SCN2A: variants seen among roughly 807,000 people sequenced by gnomAD.
SCN2A encodes the protein sodium voltage-gated channel alpha subunit 2.
SCN2A carries 20 observed loss-of-function variants against 188.7 expected under a neutral mutation model. That is an observed-to-expected ratio of 0.11 (90% CI 0.07 to 0.15). SCN2A has a LOEUF of 0.15. Among genes scored for constraint, SCN2A ranks in the 10% least tolerant of loss-of-function variants. The pLI is 1.00. For synonymous variants in SCN2A, 804 were observed against 833.1 expected, an observed-to-expected ratio of 0.97 and a Z score of 0.60; for missense variants, 1,278 against 2,445.0, an observed-to-expected ratio of 0.52 and a Z score of 10.07.
At chr2:165,349,184 G>C (rs938191843) in intron 16 of SCN2A, among the ~76,000 whole-genome samples, 1 of 152,186 alleles carries the variant, frequency 6.6e-6, no homozygotes, top group South Asian at 2.1e-4. Context: ...TATGTTGGAA[G>C]AAGAAAAGAA....
intron 5 of SCN2A, 122 bp downstream of exon 5, chr2:165,308,916 T>C: frequency 7.5e-7 from 1 of 1,326,756 alleles, no homozygotes; most frequent in Non-Finnish European, 1.1e-6. Context: ...CATAGTTTTC[T>C]TCCAATCAAA....
chr2:165,378,324 G>T, intron 23 of SCN2A, among the ~76,000 whole-genome samples: 1 of 142,336 alleles, frequency 7.0e-6, no homozygotes. Context: ...AAGAATTCCT[G>T]AGGTTTTTTT....
intron 1 of SCN2A, among the ~76,000 whole-genome samples, chr2:165,261,564 C>T (rs10168502): frequency 0.57 from 86,363 of 152,078 alleles, 24,944 homozygotes; most frequent in East Asian, 0.66. Context: ...TTTTAAATCA[C>T]TTTCAGAAAT....
intron 17 of SCN2A, among the ~76,000 whole-genome samples, chr2:165,359,419 C>A (rs1044971960): frequency 3.9e-5 from 6 of 151,948 alleles, no homozygotes; most frequent in Admixed American, 1.3e-4. Flanking sequence ...ATACTTGAGG[C>A]ATATTATCCA....
intron 18 of SCN2A, among the ~76,000 whole-genome samples, 167 bp downstream of exon 18, chr2:165,365,430 CATTT>C (rs1432356562): frequency 2.2e-5 from 2 of 91,004 alleles, no homozygotes; most frequent in Non-Finnish European, 4.4e-5. Flanking sequence ...AACAACTGTA[CATTT>C]ATTTGTTTTT....
chr2:165,294,257 T>G, intron 1 of SCN2A: 1 of 307,142 alleles, frequency 3.3e-6, no homozygotes, highest in Middle Eastern at 1.7e-3. Context: ...TGGCTGCATG[T>G]TTTAGCATGT....
chr2:165,385,589 A>G lies in SCN2A; in HGVS notation c.4552-1157A>G, dbSNP rs571039570. Among the ~76,000 whole-genome samples the G allele has an allele frequency of 7.2e-5, 11 of 152,326 alleles. No individual in the cohort carries two copies. The East Asian group carries it at 2.1e-3, about 29-fold the overall frequency. ...ATACACAGTGTCCTCTTGTTTTAACATCTTATGCAACCATAGATCAGTTCT... is the reference window on the plus strand; with the variant it reads ...ATACACAGTGTCCTCTTGTTTTAACGTCTTATGCAACCATAGATCAGTTCT... On this transcript the variant is annotated intron_variant, in intron 25 of 26. Coordinates refer to ENST00000375437, the MANE Select transcript of SCN2A (RefSeq NM_001040142.2).
At chr2:165,242,571 A>G (rs1180681626) in intron 1 of SCN2A, among the ~76,000 whole-genome samples, 1 of 152,156 alleles carries the variant, frequency 6.6e-6, no homozygotes. Flanking sequence ...ACTAAATTGG[A>G]CATGAGAAAT....
At chr2:165,362,328 T>G (rs992203270) in intron 17 of SCN2A, among the ~76,000 whole-genome samples, 1 of 152,072 alleles carries the variant, frequency 6.6e-6, no homozygotes, top group Non-Finnish European at 1.5e-5. Flanking sequence ...TTAATTCTTC[T>G]ACTTTTAATG....
chr2:165,348,414 G>T (rs954321700), intron 16 of SCN2A, among the ~76,000 whole-genome samples: 1 of 148,068 alleles, frequency 6.8e-6, no homozygotes, highest in Non-Finnish European at 1.5e-5. Context: ...CTCATATAAA[G>T]GTAACCTCCA....
chr2:165,249,180 C>A (rs896277716), intron 1 of SCN2A, among the ~76,000 whole-genome samples: 5 of 152,248 alleles, frequency 3.3e-5, no homozygotes, highest in Non-Finnish European at 7.4e-5. Context: ...CCAAATACCA[C>A]ACTCAATGTC....
intron 14 of SCN2A, among the ~76,000 whole-genome samples, chr2:165,339,213 A>C (rs1699177614): frequency 6.7e-6 from 1 of 148,582 alleles, no homozygotes; most frequent in Non-Finnish European, 1.5e-5. Flanking sequence ...GGGCAACAAG[A>C]GTGAAACTCT....
intron 11 of SCN2A, among the ~76,000 whole-genome samples, chr2:165,317,438 TTTTTACC>T (rs1472556718): frequency 6.6e-6 from 1 of 151,912 alleles, no homozygotes; most frequent in Non-Finnish European, 1.5e-5. Flanking sequence ...TTTGCCTACA[TTTTTACC>T]TAAGTTTGTC....
At chr2:165,351,533 A>T (rs745352959) in intron 16 of SCN2A, among the ~76,000 whole-genome samples, 1 of 151,692 alleles carries the variant, frequency 6.6e-6, no homozygotes, top group African/African-American at 2.4e-5. Flanking sequence ...TTATTCTGCA[A>T]ACATCACAAT....
At position 165,374,787 on chromosome 2, in the gene SCN2A, T is replaced by C; in HGVS notation, c.4075T>C (p.Phe1359Leu). 1 of 1,613,588 alleles carries C rather than the reference T, an allele frequency of 6.2e-7. No individual in the cohort carries two copies. The highest frequency in any genetic ancestry group is 8.5e-7 in the Non-Finnish European group (1 of 1,179,660). ...LIFSIMGVNLFAGKFYHCINY... is the reference protein window; with the variant it reads ...LIFSIMGVNLLAGKFYHCINY... ...ATTCAGTATCATGGGAGTGAATCTC[T>C]TTGCTGGCAAGTTTTACCATTGTAT... The change falls in exon 22 of 27, where the codon TTT becomes CTT. Residue 1359 changes from phenylalanine (F) to leucine (L), a missense_variant. Transcript: ENST00000375437.
At chr2:165,377,119 A>G (rs1432299412) in intron 22 of SCN2A, among the ~76,000 whole-genome samples, 1 of 152,056 alleles carries the variant, frequency 6.6e-6, no homozygotes, top group Non-Finnish European at 1.5e-5. Flanking sequence ...AGTATGATCA[A>G]CAATATTAAG....
At chr2:165,373,390 A>C (rs1423789182) in intron 21 of SCN2A, 43 bp downstream of exon 21, 1 of 1,609,028 alleles carries the variant, frequency 6.2e-7, no homozygotes, top group Admixed American at 1.7e-5. Context: ...TATTATTGAG[A>C]GCAGACTGAC....
At chr2:165,293,642 C>T (rs1696332887) in intron 1 of SCN2A, among the ~76,000 whole-genome samples, 1 of 152,174 alleles carries the variant, frequency 6.6e-6, no homozygotes, top group Non-Finnish European at 1.5e-5. Flanking sequence ...AAGCAGTGCA[C>T]TACTGTACTT....
chr2:165,351,615 A>G (rs1311913187), intron 16 of SCN2A, among the ~76,000 whole-genome samples: 1 of 152,074 alleles, frequency 6.6e-6, no homozygotes, highest in East Asian at 1.9e-4. Context: ...GTGGTCTTGG[A>G]CAAGTCATGT....
Sources: allele counts gnomAD v4.1 joint callset (sites outside exome capture counted in the v4.1 genomes callset), GRCh38; gene constraint gnomAD v4.1.1; transcripts MANE v1.5; gene names NCBI Gene and HGNC (gene_info 2026-07-23, HGNC 2026-07-21).